The following NR2C2 variants were observed in gnomAD, a reference collection of about 807,000 sequenced individuals.
NR2C2 encodes the protein nuclear receptor subfamily 2 group C member 2.
Under a neutral mutation model 62.9 loss-of-function variants are expected in NR2C2, and 6 were observed. That is an observed-to-expected ratio of 0.10 (90% CI 0.05 to 0.19). The LOEUF (loss-of-function observed/expected upper bound fraction) is 0.19, where lower values mean the gene tolerates loss of function less well. NR2C2 is among the 10% of genes least tolerant of loss of function. The pLI is 1.00. For missense variants in NR2C2, 479 were observed against 762.7 expected (o/e 0.63, Z 4.38); for synonymous variants, 272 against 273.8 (o/e 0.99, Z 0.07).
chr3:15,011,519 A>T (rs982081813), intron 2 of NR2C2, among the ~76,000 whole-genome samples: 5 of 152,102 alleles, frequency 3.3e-5, no homozygotes, highest in Admixed American at 1.3e-4. Context: ...AGTTTTTTTT[A>T]AAGATAATTC....
rs56971946 is a variant in NR2C2 at position 15,032,063 on chromosome 3, A to G, written c.1111-316A>G. Among the ~76,000 whole-genome samples the G allele has an allele frequency of 1.2e-3, 176 of 152,262 alleles. 5 individuals are homozygous for G. The East Asian group carries it at 0.031, about 26-fold the overall frequency. ...CCAGATTTAATTTAGACCTTAACCT[A>G]TGGCTCAAAATGGAATTGCCATAGA... On this transcript the variant is annotated intron_variant, in intron 9 of 13. Coordinates refer to ENST00000425241, the MANE Select transcript of NR2C2 (RefSeq NM_001291694.2).
At chr3:15,042,216 G>A (rs2042295293) in intron 13 of NR2C2, among the ~76,000 whole-genome samples, 1 of 152,118 alleles carries the variant, frequency 6.6e-6, no homozygotes, top group Non-Finnish European at 1.5e-5. Context: ...CAGCATTGTG[G>A]TGCACCCTCC....
intron 1 of NR2C2, among the ~76,000 whole-genome samples, chr3:14,998,548 C>T (rs1246807405): frequency 6.6e-6 from 1 of 152,112 alleles, no homozygotes; most frequent in Admixed American, 6.5e-5. Context: ...TGCTTATTGG[C>T]CATTTGTATA....
chr3:14,975,915 T>C (rs545888291), intron 1 of NR2C2, among the ~76,000 whole-genome samples: 37 of 152,224 alleles, frequency 2.4e-4, no homozygotes, highest in African/African-American at 8.2e-4. Flanking sequence ...GGATTTTGTT[T>C]CTTTTTTAAA....
intron 1 of NR2C2, among the ~76,000 whole-genome samples, chr3:14,952,359 G>T (rs138633977): frequency 2.7e-4 from 41 of 152,286 alleles, no homozygotes; most frequent in African/African-American, 8.7e-4. Context: ...TCCACATATC[G>T]AGGGCCCTCC....
At position 14,966,292 on chromosome 3, in the gene NR2C2, C is replaced by T. The variant is rs377742735; in HGVS notation, c.-40+18386C>T. Reference sequence around the variant, plus strand: ...CTTTTGCTCTCCCAGAGCTCTCTAACGGGATAAGCCCGAGATAGGCTACAC... The same window carrying T: ...CTTTTGCTCTCCCAGAGCTCTCTAATGGGATAAGCCCGAGATAGGCTACAC... On this transcript the variant is annotated intron_variant, in intron 1 of 13. Coordinates refer to ENST00000425241, the MANE Select transcript of NR2C2 (RefSeq NM_001291694.2). 2.9e-4 allele frequency among the ~76,000 whole-genome samples: 44 copies of T among 152,218 alleles called. No homozygotes were observed. In the South Asian group the frequency reaches 4.6e-3, roughly 16 times the overall value.
Position 14,947,623 on chromosome 3 carries a change from G to GCAT in NR2C2, c.-322_-321insATC, listed in dbSNP as rs2039156045. 6.5e-6 allele frequency: 1 copy of GCAT among 153,376 alleles called. No homozygotes were observed. Among genetic ancestry groups the GCAT allele is most frequent in the Non-Finnish European group, 1.4e-5 (1 of 69,474 alleles). 9.5% of individuals were successfully genotyped at this position (153,376 alleles called of 1,614,324 possible). The stretch of plus-strand genomic sequence containing the variant: ...TCCTACCAGCGCGCGGGCGGCGGCG[G>GCAT]CGGCGGCACCGGGGTCACGAACTCT... On this transcript the variant is annotated 5_prime_UTR_variant, in exon 1 of 14. Transcript: ENST00000425241.
intron 1 of NR2C2, among the ~76,000 whole-genome samples, chr3:14,976,928 C>G (rs1172129432): frequency 1.3e-5 from 2 of 152,038 alleles, no homozygotes; most frequent in African/African-American, 4.8e-5. Context: ...CTATTCTGTT[C>G]TGAAATATAC....
At chr3:15,025,457 A>AT (rs2041797951) in intron 7 of NR2C2, 1 of 152,256 alleles carries the variant, frequency 6.6e-6, no homozygotes, top group Non-Finnish European at 1.5e-5. Context: ...GCTGTATGGT[A>AT]TTTCAGGAAT....
intron 7 of NR2C2, among the ~76,000 whole-genome samples, chr3:15,024,716 A>G (rs1234230126): frequency 2.6e-5 from 4 of 152,176 alleles, no homozygotes; most frequent in African/African-American, 9.7e-5. Flanking sequence ...GGCTCCTGTG[A>G]AGATAACCAA....
intron 1 of NR2C2, among the ~76,000 whole-genome samples, chr3:15,000,798 C>G (rs1479938766): frequency 6.8e-6 from 1 of 146,614 alleles, no homozygotes; most frequent in Non-Finnish European, 1.5e-5. Context: ...TCACAAATGT[C>G]TTTCTATTTA....
intron 1 of NR2C2, among the ~76,000 whole-genome samples, chr3:14,983,871 T>G (rs960677772): frequency 2.0e-5 from 3 of 152,016 alleles, no homozygotes; most frequent in African/African-American, 7.2e-5. Flanking sequence ...ACATCCTTGT[T>G]TTGTATTTTT....
At position 14,987,136 on chromosome 3, in the gene NR2C2, C is replaced by T. The variant is rs372331365; in HGVS notation, c.-39-16740C>T. Among the ~76,000 whole-genome samples, 25 of 152,184 alleles carry T rather than the reference C, an allele frequency of 1.6e-4. No homozygotes were observed. The East Asian group carries it at 2.7e-3, about 16-fold the overall frequency. ...CTCACTCTGCCACCCAGGCTGGAGTCCAGTGGCAGGAACACAGCTCACTGC... is the reference window on the plus strand; with the variant it reads ...CTCACTCTGCCACCCAGGCTGGAGTTCAGTGGCAGGAACACAGCTCACTGC... On this transcript the variant is annotated intron_variant, in intron 1 of 13. Transcript: ENST00000425241.
Position 15,045,140 on chromosome 3 carries a change from G to A in NR2C2, c.*2132G>A, listed in dbSNP as rs1280304563. 1 of 152,190 alleles carries A rather than the reference G, an allele frequency of 6.6e-6. No homozygotes were observed. Among genetic ancestry groups the A allele is most frequent in the African/African-American group, 2.4e-5 (1 of 41,448 alleles). 9.4% of individuals were successfully genotyped at this position (152,190 alleles called of 1,614,324 possible). On this transcript the variant is annotated 3_prime_UTR_variant, in exon 14 of 14. Coordinates refer to ENST00000425241, the MANE Select transcript of NR2C2 (RefSeq NM_001291694.2). ...TCATTTCTGCTTGTGAAGGCTTTTAGTAGCAGGCATCCTGCAGCTCAGTGG... is the reference window on the plus strand; with the variant it reads ...TCATTTCTGCTTGTGAAGGCTTTTAATAGCAGGCATCCTGCAGCTCAGTGG...
At chr3:15,021,003 G>A in intron 5 of NR2C2, 71 bp downstream of exon 5, 1 of 1,435,700 alleles carries the variant, frequency 7.0e-7, no homozygotes. Context: ...ATTAAATAAG[G>A]TTTCTATACC....
At chr3:14,950,143 TTAAG>T (rs900565614) in intron 1 of NR2C2, among the ~76,000 whole-genome samples, 4 of 152,254 alleles carry the variant, frequency 2.6e-5, no homozygotes, top group East Asian at 3.8e-4. Flanking sequence ...ATTGGACTAA[TTAAG>T]TGATATAAAT....
At chr3:14,957,584 A>C (rs1029428974) in intron 1 of NR2C2, among the ~76,000 whole-genome samples, 7 of 152,068 alleles carry the variant, frequency 4.6e-5, no homozygotes, top group African/African-American at 1.7e-4. Context: ...CTGTATTACA[A>C]TTTTTTATTT....
In NR2C2 at chr3:15,042,991, A is replaced by G; in HGVS notation, c.1774A>G (p.Thr592Ala). Residue 592 changes from threonine to alanine, a missense_variant, in exon 14 of 14, where the codon ACC (threonine) becomes GCC (alanine). Around this residue, in one of 4 missense-constraint regions of NR2C2, gnomAD observed 162 missense variants for 296.8 expected, o/e 0.55. Transcript: ENST00000425241. Reference protein sequence around the residue: ...METAEYNGQITGASL With the variant: ...METAEYNGQIAGASL ...GACAGCAGAGTATAATGGCCAGATC[A>G]CCGGAGCCAGTCTATAGCGCAAACC... 6.2e-7 allele frequency: 1 copy of G among 1,614,120 alleles called. No individual in the cohort carries two copies. The highest frequency in any genetic ancestry group is 1.1e-5 in the South Asian group (1 of 91,060).
chr3:15,022,398 C>CTTTTTTTTTTTTTTTTTTT (rs71038450), intron 5 of NR2C2, among the ~76,000 whole-genome samples: 4 of 89,142 alleles, frequency 4.5e-5, no homozygotes, highest in Non-Finnish European at 6.6e-5. Flanking sequence ...CTTTTTCTTT[C>CTTTTTTTTTTTTTTTTTTT]TTTTTTTTTT....
Sources: gnomAD v4.1 joint callset for allele counts (sites outside exome capture counted in the v4.1 genomes callset) on GRCh38, gnomAD v4.1.1 for gene constraint, gnomAD v4.1.1 regional missense constraint, MANE v1.5 for transcripts, NCBI Gene and HGNC (gene_info 2026-07-23, HGNC 2026-07-21) for gene names.